The following KAZN variants were observed in gnomAD, a reference collection of about 807,000 sequenced individuals.
KAZN encodes kazrin, periplakin interacting protein, also known as kazrin.
A neutral mutation model predicts 87.4 loss-of-function variants in KAZN; 40 were observed. The observed-to-expected ratio is 0.46, with a 90% CI of 0.36 to 0.60. The LOEUF is 0.60. Ranked by LOEUF, KAZN falls within the 20% of genes least tolerant of loss-of-function variation. KAZN has a pLI of 0.00. For missense variants in KAZN, 898 were observed against 1,073.9 expected, an observed-to-expected ratio of 0.84 and a Z score of 2.29; for synonymous variants, 466 against 458.3, an observed-to-expected ratio of 1.02 and a Z score of -0.22.
At chr1:14,265,336 T>C (rs2100663513) in intron 2 of KAZN, among the ~76,000 whole-genome samples, 1 of 152,292 alleles carries the variant, frequency 6.6e-6, no homozygotes, top group South Asian at 2.1e-4. Context: ...GATAGTTTGG[T>C]TCTATGGAAA....
intron 2 of KAZN, among the ~76,000 whole-genome samples, chr1:14,391,216 G>A (rs1413267403): frequency 6.6e-6 from 1 of 152,210 alleles, no homozygotes; most frequent in East Asian, 1.9e-4. Context: ...TCCCTGGGCT[G>A]TCTTTCCTCA....
At chr1:14,695,896 A>T (rs1012518841) in intron 1 of KAZN, among the ~76,000 whole-genome samples, 1 of 152,056 alleles carries the variant, frequency 6.6e-6, no homozygotes, top group African/African-American at 2.4e-5. Context: ...ATATGTCTTG[A>T]TTTATACAGA....
At chr1:14,726,173 C>T (rs576285882) in intron 1 of KAZN, among the ~76,000 whole-genome samples, 2 of 152,322 alleles carry the variant, frequency 1.3e-5, no homozygotes, top group African/African-American at 4.8e-5. Flanking sequence ...AACAGGGATT[C>T]CAAAAGGGCC....
chr1:14,178,667 T>G (rs1646134397), intron 1 of KAZN, among the ~76,000 whole-genome samples: 1 of 152,220 alleles, frequency 6.6e-6, no homozygotes, highest in African/African-American at 2.4e-5. Context: ...ATTTCTGGGT[T>G]TGTTTCTGTA....
At chr1:14,961,236 T>C (rs1055587809) in intron 2 of KAZN, among the ~76,000 whole-genome samples, 5 of 152,206 alleles carry the variant, frequency 3.3e-5, no homozygotes, top group African/African-American at 1.2e-4. Context: ...CAGGGCATAG[T>C]GTGGCTACGC....
intron 1 of KAZN, among the ~76,000 whole-genome samples, chr1:14,630,968 T>C (rs1242449416): frequency 6.6e-6 from 1 of 152,252 alleles, no homozygotes; most frequent in Non-Finnish European, 1.5e-5. Context: ...CATAATTTCA[T>C]AACTAGTATA....
chr1:13,914,340 C>T (rs181368167), intron 1 of KAZN, among the ~76,000 whole-genome samples: 1 of 152,330 alleles, frequency 6.6e-6, no homozygotes, highest in Non-Finnish European at 1.5e-5. Context: ...TCAACTGTAA[C>T]ATGGGGATAA....
At chr1:14,901,140 T>C (rs988194909) in intron 1 of KAZN, among the ~76,000 whole-genome samples, 1 of 151,944 alleles carries the variant, frequency 6.6e-6, no homozygotes, top group African/African-American at 2.4e-5. Flanking sequence ...CAAAAACTGG[T>C]CGGGGACAAC....
At chr1:15,022,317 C>G (rs1670756816) in intron 2 of KAZN, among the ~76,000 whole-genome samples, 1 of 152,122 alleles carries the variant, frequency 6.6e-6, no homozygotes, top group African/African-American at 2.4e-5. Flanking sequence ...TCTGCCCAGT[C>G]CAGCCTGAGC....
intron 2 of KAZN, among the ~76,000 whole-genome samples, chr1:14,489,332 TA>T (rs1350650794): frequency 6.6e-6 from 1 of 152,226 alleles, no homozygotes; most frequent in East Asian, 1.9e-4. Flanking sequence ...AGATCAACTA[TA>T]TCTATATAAA....
At chr1:14,310,482 T>C (rs1655207819) in intron 2 of KAZN, among the ~76,000 whole-genome samples, 1 of 152,276 alleles carries the variant, frequency 6.6e-6, no homozygotes, top group Non-Finnish European at 1.5e-5. Flanking sequence ...AATCTCTCTA[T>C]TGGTTCCGTG....
intron 1 of KAZN, among the ~76,000 whole-genome samples, chr1:14,012,422 C>G (rs546381784): frequency 6.6e-6 from 1 of 152,318 alleles, no homozygotes; most frequent in African/African-American, 2.4e-5. Flanking sequence ...AATTGCTTAT[C>G]TCTTGACTCC....
At chr1:13,982,791 T>C (rs1439811748) in intron 1 of KAZN, among the ~76,000 whole-genome samples, 1 of 151,846 alleles carries the variant, frequency 6.6e-6, no homozygotes, top group Non-Finnish European at 1.5e-5. Context: ...ACTGGTGCAC[T>C]CACAAACCCT....
chr1:14,607,355 T>C (rs1416988964), intron 1 of KAZN, among the ~76,000 whole-genome samples: 1 of 152,218 alleles, frequency 6.6e-6, no homozygotes, highest in Non-Finnish European at 1.5e-5. Context: ...GTCACCGAGC[T>C]AGCAAGTGGC....
chr1:15,073,750 A>G lies in KAZN; in HGVS notation c.1222+7997A>G, dbSNP rs368083142. On this transcript the variant is annotated intron_variant, in intron 8 of 14. Transcript: ENST00000376030. ...GATCTGAGTTCTGAGCCTGAGGTCCATCCGACTCCTCCTGACCTGTGTCTG... is the reference window on the plus strand; with the variant it reads ...GATCTGAGTTCTGAGCCTGAGGTCCGTCCGACTCCTCCTGACCTGTGTCTG... 1.9e-4 allele frequency among the ~76,000 whole-genome samples: 29 copies of G among 152,324 alleles called. No individual in the cohort carries two copies. The South Asian group carries it at 2.7e-3, about 14-fold the overall frequency.
chr1:14,272,633 C>T (rs1205973358), intron 2 of KAZN, among the ~76,000 whole-genome samples: 5 of 152,038 alleles, frequency 3.3e-5, no homozygotes, highest in East Asian at 3.9e-4. Flanking sequence ...CCGAGGTGGG[C>T]GGATCATGAG....
chr1:14,427,770 C>A (rs1409386350), intron 2 of KAZN, among the ~76,000 whole-genome samples: 2 of 152,136 alleles, frequency 1.3e-5, no homozygotes, highest in African/African-American at 4.8e-5. Context: ...CACCACAAAG[C>A]AAAATTATAC....
chr1:14,854,658 T>G (rs1470598468), intron 1 of KAZN, among the ~76,000 whole-genome samples: 1 of 152,126 alleles, frequency 6.6e-6, no homozygotes, highest in African/African-American at 2.4e-5. Flanking sequence ...CCCATGAGTA[T>G]GGCAGGCATT....
At chr1:14,327,920 C>G (rs1345177684) in intron 2 of KAZN, among the ~76,000 whole-genome samples, 3 of 152,200 alleles carry the variant, frequency 2.0e-5, no homozygotes, top group Non-Finnish European at 4.4e-5. Flanking sequence ...GCTAAGCTAT[C>G]TGGAAGTGAA....
Sources: allele counts gnomAD v4.1 joint callset (sites outside exome capture counted in the v4.1 genomes callset), GRCh38; gene constraint gnomAD v4.1.1; transcripts MANE v1.5; gene names NCBI Gene and HGNC (gene_info 2026-07-23, HGNC 2026-07-21).